Variants in NCOA2 observed in about 807,000 individuals in gnomAD.
The protein encoded by NCOA2 is class E basic helix-loop-helix protein 75.
A neutral mutation model predicts 145.1 loss-of-function variants in NCOA2; 21 were observed. The observed-to-expected ratio is 0.14, with a 90% CI of 0.10 to 0.21. NCOA2 has a LOEUF of 0.21. Ranked by LOEUF, NCOA2 falls within the 10% of genes least tolerant of loss-of-function variation. The probability of loss-of-function intolerance (pLI) is 1.00; values close to 1 mark genes in which losing one functional copy is unlikely to be tolerated. For synonymous variants in NCOA2, 619 were observed against 637.5 expected (o/e 0.97, Z 0.44); for missense variants, 1,472 against 1,837.6 (o/e 0.80, Z 3.64).
At chr8:70,379,559 A>G (rs772525009) in intron 1 of NCOA2, among the ~76,000 whole-genome samples, 2 of 152,166 alleles carry the variant, frequency 1.3e-5, no homozygotes, top group Admixed American at 6.6e-5. Flanking sequence ...CTGACATTTT[A>G]TCTCTTTCTG....
intron 4 of NCOA2, among the ~76,000 whole-genome samples, chr8:70,207,560 C>T (rs1364492053): frequency 1.3e-5 from 2 of 151,784 alleles, no homozygotes; most frequent in East Asian, 1.9e-4. Context: ...AATAGTTAAT[C>T]TTCATTAAAA....
At chr8:70,364,743 AAAAAAAAAAAAAAAACTAGC>A (rs542830207) in intron 1 of NCOA2, among the ~76,000 whole-genome samples, 1 of 127,590 alleles carries the variant, frequency 7.8e-6, no homozygotes, top group South Asian at 2.1e-4. Flanking sequence ...CCAATACTTA[AAAAAAAAAAAAAAAACTAGC>A]AAATTTCAGG....
At chr8:70,255,729 A>G (rs78535481) in intron 2 of NCOA2, among the ~76,000 whole-genome samples, 5,273 of 152,206 alleles carry the variant, frequency 0.035, 311 homozygotes, top group African/African-American at 0.12. Flanking sequence ...TCAACACAGC[A>G]CTCCACACAA....
chr8:70,197,984 A>G (rs1307359740), intron 4 of NCOA2, among the ~76,000 whole-genome samples: 2 of 151,896 alleles, frequency 1.3e-5, no homozygotes, highest in African/African-American at 4.8e-5. Context: ...TATTTTTTGT[A>G]GGGACAGGAT....
intron 9 of NCOA2, among the ~76,000 whole-genome samples, chr8:70,161,794 T>A (rs777386163): frequency 9.2e-5 from 14 of 152,102 alleles, no homozygotes; most frequent in African/African-American, 3.1e-4. Context: ...CAGCTGACAG[T>A]GCATGTGGAG....
At chr8:70,144,542 T>C in intron 13 of NCOA2, 100 bp downstream of exon 13, 2 of 964,496 alleles carry the variant, frequency 2.1e-6, no homozygotes, top group Admixed American at 4.6e-5. Context: ...TTTTCTAACA[T>C]AAAAAGTTCA....
the NCOA2 span, among the ~76,000 whole-genome samples, chr8:70,440,436 T>C: frequency 2.6e-5 from 4 of 152,142 alleles, no homozygotes; most frequent in South Asian, 8.3e-4. Flanking sequence ...TAGCCAGGTG[T>C]GGCGGCACAC....
the NCOA2 span, among the ~76,000 whole-genome samples, chr8:70,430,449 G>C: frequency 6.6e-6 from 1 of 152,138 alleles, no homozygotes; most frequent in Non-Finnish European, 1.5e-5. Flanking sequence ...GTTAATTACA[G>C]TGGGTAAATT....
At chr8:70,387,921 G>C (rs879226502) in intron 1 of NCOA2, among the ~76,000 whole-genome samples, 1 of 152,184 alleles carries the variant, frequency 6.6e-6, no homozygotes, top group Non-Finnish European at 1.5e-5. Flanking sequence ...CAGCCAGTAG[G>C]AAAGGCCAGG....
chr8:70,312,544 T>C (rs541905506), intron 1 of NCOA2, among the ~76,000 whole-genome samples: 1 of 151,950 alleles, frequency 6.6e-6, no homozygotes, highest in Non-Finnish European at 1.5e-5. Flanking sequence ...CAACGGTCAT[T>C]CTAAAGCACT....
At chr8:70,367,510 A>T (rs1012159342) in intron 1 of NCOA2, among the ~76,000 whole-genome samples, 7 of 152,188 alleles carry the variant, frequency 4.6e-5, no homozygotes, top group African/African-American at 1.7e-4. Context: ...TGCTGAGAGT[A>T]TAACATAGAT....
At chr8:70,360,767 A>C (rs752075048) in intron 1 of NCOA2, among the ~76,000 whole-genome samples, 1 of 151,928 alleles carries the variant, frequency 6.6e-6, no homozygotes, top group Non-Finnish European at 1.5e-5. Flanking sequence ...GTGAAACCAC[A>C]TCTCTACTAA....
chr8:70,305,294 C>T (rs1254615510), intron 1 of NCOA2, among the ~76,000 whole-genome samples: 2 of 152,068 alleles, frequency 1.3e-5, no homozygotes, highest in Non-Finnish European at 2.9e-5. Flanking sequence ...AACTTGCCAC[C>T]AAAGGCACCC....
At chr8:70,198,242 T>C (rs1251075329) in intron 4 of NCOA2, among the ~76,000 whole-genome samples, 1 of 152,230 alleles carries the variant, frequency 6.6e-6, no homozygotes, top group East Asian at 1.9e-4. Context: ...TGTTTTGTTG[T>C]TGTTGTTTTC....
chr8:70,190,482 CAG>C (rs1283223377), intron 4 of NCOA2, among the ~76,000 whole-genome samples: 14 of 152,290 alleles, frequency 9.2e-5, no homozygotes, highest in African/African-American at 2.9e-4. Flanking sequence ...TTTCCAAAAA[CAG>C]AGAGGGTTTA....
chr8:70,379,577 T>C (rs1812000997), intron 1 of NCOA2, among the ~76,000 whole-genome samples: 1 of 152,154 alleles, frequency 6.6e-6, no homozygotes, highest in Non-Finnish European at 1.5e-5. Context: ...CTGCCACCAT[T>C]TTATTTTATC....
At chr8:70,440,859 G>GAAGA in the NCOA2 span, among the ~76,000 whole-genome samples, 1 of 150,112 alleles carries the variant, frequency 6.7e-6, no homozygotes, top group African/African-American at 2.4e-5. Flanking sequence ...AGAAAGAAAG[G>GAAGA]AAGAAAGAAA....
chr8:70,435,450 A>AAAAAAAAAAAAAAAT, the NCOA2 span, among the ~76,000 whole-genome samples: 1 of 147,922 alleles, frequency 6.8e-6, no homozygotes, highest in Non-Finnish European at 1.5e-5. Context: ...AAAAAAAAAA[A>AAAAAAAAAAAAAAAT]AAAGAATACA....
At chr8:70,424,400 T>G in the NCOA2 span, 7 of 411,868 alleles carry the variant, frequency 1.7e-5, 1 homozygote, top group South Asian at 1.4e-4. Context: ...CACCTCATCC[T>G]CAGAGAGTCC....
Sources: allele counts gnomAD v4.1 joint callset (sites outside exome capture counted in the v4.1 genomes callset), GRCh38; gene constraint gnomAD v4.1.1; transcripts MANE v1.5; gene names NCBI Gene and HGNC (gene_info 2026-07-23, HGNC 2026-07-21).